The following ZNF596 variants were observed in gnomAD, a reference collection of about 807,000 sequenced individuals.
ZNF596 encodes the protein zinc finger protein 596.
ZNF596 carries 45 observed loss-of-function variants against 48.3 expected under a neutral mutation model. The ratio of observed to expected loss-of-function variants is 0.93; its 90% CI spans 0.73 to 1.19. The LOEUF (loss-of-function observed/expected upper bound fraction) is 1.19, where lower values mean the gene tolerates loss of function less well. ZNF596 is among the 50% of genes most tolerant of loss of function. The pLI is 0.00. For synonymous variants in ZNF596, 270 were observed against 202.0 expected, an observed-to-expected ratio of 1.34 and a Z score of -2.85; for missense variants, 848 against 599.7, an observed-to-expected ratio of 1.41 and a Z score of -4.32.
At position 245,914 on chromosome 8, in the gene ZNF596, G is replaced by A. The variant is rs763481538; in HGVS notation, c.1067G>A (p.Ser356Asn). Residue 356 changes from serine to asparagine, a missense_variant, in exon 6 of 6, where the codon AGT (serine) becomes AAT (asparagine). Physicochemically the swap from Ser to Asn is conservative, Grantham distance 46. Coordinates refer to ENST00000398612, the MANE Select transcript of ZNF596 (RefSeq NM_001042416.3). ...HCSHLRQHER[S>N]HNGEKPHGCH... ...TCTCACCTTAGACAACATGAGCGAA[G>A]TCACAATGGAGAGAAACCACATGGA... 2.5e-6 allele frequency: 4 copies of A among 1,611,648 alleles called. No homozygotes were observed. The highest frequency in any genetic ancestry group is 3.4e-6 in the Non-Finnish European group (4 of 1,179,314).
chr8:236,942 C>T (rs1479059614), intron 1 of ZNF596: 1 of 152,118 alleles, frequency 6.6e-6, no homozygotes, highest in Non-Finnish European at 1.5e-5. Flanking sequence ...TATTTTTCTC[C>T]TTCAAAATAA....
At chr8:239,145 G>C (rs956384360) in intron 1 of ZNF596, among the ~76,000 whole-genome samples, 6 of 152,234 alleles carry the variant, frequency 3.9e-5, no homozygotes, top group East Asian at 1.9e-4. Flanking sequence ...TAAAAGTGAA[G>C]AAACTGTCTG....
intron 1 of ZNF596, among the ~76,000 whole-genome samples, chr8:233,959 G>A (rs1388966328): frequency 2.0e-5 from 3 of 152,082 alleles, no homozygotes; most frequent in Non-Finnish European, 2.9e-5. Flanking sequence ...CTCTCTACTG[G>A]CTTCTGTTCA....
chr8:240,221 T>G (rs1796796123), intron 1 of ZNF596: 1 of 152,302 alleles, frequency 6.6e-6, no homozygotes, highest in South Asian at 2.1e-4. Flanking sequence ...ACTTGTAAAG[T>G]GTGTCTTTTA....
chr8:245,531 T>C lies in ZNF596; in HGVS notation c.684T>C (p.Cys228=). 1 of 1,614,128 alleles carries C rather than the reference T, an allele frequency of 6.2e-7. No homozygotes were observed. Among genetic ancestry groups the C allele is most frequent in the South Asian group, 1.1e-5 (1 of 91,062 alleles). ...AGAAACCACACGGATGTCATCTATG[T>C]GGGAAAGCCTTTACTCATTGCTCTG... is the stretch of plus-strand genomic sequence containing the variant. The part of the protein sequence containing the change: ...TGEKPHGCHL[C]GKAFTHCSDL... Residue 228 remains cysteine, a synonymous_variant, in exon 6 of 6, where the codon TGT becomes TGC. Coordinates refer to ENST00000398612, the MANE Select transcript of ZNF596 (RefSeq NM_001042416.3).
At position 245,739 on chromosome 8, in the gene ZNF596, G is replaced by A. The variant is rs1430360155; in HGVS notation, c.892G>A (p.Glu298Lys). The change falls in exon 6 of 6, where the codon GAG becomes AAG. Residue 298 changes from glutamate (E) to lysine (K), a missense_variant. Transcript: ENST00000398612. Reference sequence around the variant, plus strand: ...TCATTGCTCTGACCTTAGAAAACATGAGAGAACTCACTTAGGAGATAAACC... The same window carrying A: ...TCATTGCTCTGACCTTAGAAAACATAAGAGAACTCACTTAGGAGATAAACC... Reference protein sequence around the residue: ...FTHCSDLRKHERTHLGDKPYG... With the variant: ...FTHCSDLRKHKRTHLGDKPYG... The A allele has an allele frequency of 1.9e-6, 3 of 1,614,144 alleles. No homozygotes were observed. Among genetic ancestry groups the A allele is most frequent in the Non-Finnish European group, 2.5e-6 (3 of 1,180,020 alleles).
chr8:243,846 A>T, intron 4 of ZNF596, 41 bp downstream of exon 4: 1 of 1,561,442 alleles, frequency 6.4e-7, no homozygotes, highest in Non-Finnish European at 8.8e-7. Context: ...AGGAGGAGAA[A>T]CATGGCCAGT....
intron 1 of ZNF596, chr8:233,263 G>C (rs1796489446): frequency 5.4e-6 from 2 of 373,204 alleles, no homozygotes; most frequent in Non-Finnish European, 1.1e-5. Flanking sequence ...ACAATGAGGA[G>C]GCCTTGACCG....
At chr8:237,023 T>G (rs1026096742) in intron 1 of ZNF596, 1 of 152,238 alleles carries the variant, frequency 6.6e-6, no homozygotes, top group Non-Finnish European at 1.5e-5. Flanking sequence ...ACAGTTAAAC[T>G]CTGATATATA....
intron 5 of ZNF596, 95 bp downstream of exon 5, chr8:244,796 G>T (rs1796997521): frequency 1.0e-6 from 1 of 990,584 alleles, no homozygotes; most frequent in African/African-American, 1.7e-5. Flanking sequence ...TGTACTTAAA[G>T]CCCTCCCAGC....
At chr8:235,397 A>G (rs1796578557) in intron 1 of ZNF596, among the ~76,000 whole-genome samples, 1 of 152,190 alleles carries the variant, frequency 6.6e-6, no homozygotes, top group South Asian at 2.1e-4. Context: ...AGCAAGATGC[A>G]GCCCACAAAC....
intron 1 of ZNF596, among the ~76,000 whole-genome samples, chr8:234,146 G>A (rs918436687): frequency 1.3e-5 from 2 of 152,216 alleles, no homozygotes; most frequent in African/African-American, 4.8e-5. Context: ...GAGAGCCTGG[G>A]AAGTTCAGGA....
At position 245,627 on chromosome 8, in the gene ZNF596, C is replaced by T. The variant is rs1667563934; in HGVS notation, c.780C>T (p.Phe260=). Residue 260 remains phenylalanine, a synonymous_variant, in exon 6 of 6, where the codon TTC becomes TTT. Coordinates refer to ENST00000398612, the MANE Select transcript of ZNF596 (RefSeq NM_001042416.3). ...PYGCHLCGKA[F]SKSSNLRRHE... ...GATGTCATCTATGTGGGAAAGCCTT[C>T]AGTAAAAGTTCTAACCTTAGACGAC... 10 of 1,613,582 alleles carry T rather than the reference C, an allele frequency of 6.2e-6. No individual in the cohort carries two copies. The highest frequency in any genetic ancestry group is 1.3e-5 in the African/African-American group (1 of 74,740).
At position 245,475 on chromosome 8, in the gene ZNF596, C is replaced by G. The variant is rs372311968; in HGVS notation, c.628C>G (p.Leu210Val). 1.9e-6 allele frequency: 3 copies of G among 1,614,194 alleles called. No homozygotes were observed. Among genetic ancestry groups the G allele is most frequent in the African/African-American group, 2.7e-5 (2 of 75,068 alleles). Reference protein sequence around the residue: ...CGKTFSKNSNLRRHEMIHTGE... With the variant: ...CGKTFSKNSNVRRHEMIHTGE... ...GAAAACCTTTAGCAAAAATTCTAAT[C>G]TTAGGCGACATGAGATGATTCACAC... The change falls in exon 6 of 6, where the codon CTT becomes GTT. Residue 210 changes from leucine (L) to valine (V), a missense_variant. Coordinates refer to ENST00000398612, the MANE Select transcript of ZNF596 (RefSeq NM_001042416.3).
chr8:240,854 G>C lies in ZNF596; in HGVS notation c.-42G>C. On this transcript the variant is annotated 5_prime_UTR_variant, in exon 2 of 6. Transcript: ENST00000398612. ...TCTTCTTAGTGCTTGGATGGTGTGAGTGAAAACCCAGAGGAATACATTTGG... is the reference window on the plus strand; with the variant it reads ...TCTTCTTAGTGCTTGGATGGTGTGACTGAAAACCCAGAGGAATACATTTGG... The C allele has an allele frequency of 1.2e-6, 2 of 1,613,666 alleles. No individual in the cohort carries two copies. The highest frequency in any genetic ancestry group is 1.7e-6 in the Non-Finnish European group (2 of 1,179,628).
At chr8:235,092 G>C (rs1169515854) in intron 1 of ZNF596, among the ~76,000 whole-genome samples, 2 of 152,150 alleles carry the variant, frequency 1.3e-5, no homozygotes, top group Admixed American at 6.5e-5. Flanking sequence ...GAAAAGTTTA[G>C]AAAATGATAG....
At position 245,302 on chromosome 8, in the gene ZNF596, T is replaced by G. The variant is rs772275605; in HGVS notation, c.455T>G (p.Leu152Ter). 9 of 1,614,116 alleles carry G rather than the reference T, an allele frequency of 5.6e-6. No individual in the cohort carries two copies. The highest frequency in any genetic ancestry group is 7.6e-6 in the Non-Finnish European group (9 of 1,180,024). Reference protein sequence around the residue: ...KKFGKIFSDWLSFNQHKEIHT... With the variant: ...KKFGKIFSDW ...TTTGGGAAAATCTTCAGTGACTGGT[T>G]ATCCTTTAATCAACACAAGGAAATT... is the stretch of plus-strand genomic sequence containing the variant. Residue 152 changes from leucine to a stop codon, truncating the protein, a stop_gained, in exon 6 of 6, where the codon TTA becomes TGA. Coordinates refer to ENST00000398612, the MANE Select transcript of ZNF596 (RefSeq NM_001042416.3). LOFTEE classifies it high-confidence loss of function.
intron 1 of ZNF596, among the ~76,000 whole-genome samples, chr8:238,985 A>C (rs1248423088): frequency 6.6e-6 from 1 of 152,116 alleles, no homozygotes; most frequent in Non-Finnish European, 1.5e-5. Context: ...AATCAAATAT[A>C]GATTCTGGGG....
At position 243,714 on chromosome 8, in the gene ZNF596, C is replaced by G. The variant is rs757963538; in HGVS notation, c.140-8C>G. On this transcript the variant is annotated splice_region_variant and splice_polypyrimidine_tract_variant and intron_variant, in intron 3 of 5. Transcript: ENST00000398612. ...CTCAAAATCCATGTATCTTTTTCCC[C>G]AAAACAGGCAAACAGCTCTGCAAAT... is the stretch of plus-strand genomic sequence containing the variant. The G allele has an allele frequency of 6.2e-7, 1 of 1,612,698 alleles. No homozygotes were observed. Among genetic ancestry groups the G allele is most frequent in the South Asian group, 1.1e-5 (1 of 91,006 alleles).
Sources: gnomAD v4.1 joint callset for allele counts (sites outside exome capture counted in the v4.1 genomes callset) on GRCh38, gnomAD v4.1.1 for gene constraint, MANE v1.5 for transcripts, NCBI Gene and HGNC (gene_info 2026-07-23, HGNC 2026-07-21) for gene names.